HEATR5A: variants seen among roughly 807,000 people sequenced by gnomAD.
The protein encoded by HEATR5A is HEAT repeat-containing protein 5A.
Under a neutral mutation model 218.8 loss-of-function variants are expected in HEATR5A, and 178 were observed. That is an observed-to-expected ratio of 0.81 (90% CI 0.72 to 0.92). The LOEUF is 0.92. Among genes scored for constraint, HEATR5A ranks in the 40% least tolerant of loss-of-function variants. The pLI is 0.00. For missense variants in HEATR5A, 2,420 were observed against 2,418.9 expected, an observed-to-expected ratio of 1.00 and a Z score of -0.01; for synonymous variants, 864 against 871.6, an observed-to-expected ratio of 0.99 and a Z score of 0.15.
At chr14:31,419,583 A>C (rs1014275855) in intron 1 of HEATR5A, among the ~76,000 whole-genome samples, 1 of 152,226 alleles carries the variant, frequency 6.6e-6, no homozygotes, top group African/African-American at 2.4e-5. Context: ...TAGCCCCAAA[A>C]AAGTGCTGCA....
Position 31,292,862 on chromosome 14 carries a change from TG to T in HEATR5A, c.*442del, listed in dbSNP as rs1293189130. The T allele has an allele frequency of 6.5e-6, 1 of 154,014 alleles. No individual in the cohort carries two copies. Among genetic ancestry groups the T allele is most frequent in the Non-Finnish European group, 1.4e-5 (1 of 69,330 alleles). 9.5% of individuals were successfully genotyped at this position (154,014 alleles called of 1,614,324 possible). A position where few individuals can be genotyped will look rare whatever the true frequency, so the allele number is the denominator to read the frequency against. On this transcript the variant is annotated 3_prime_UTR_variant, in exon 36 of 36. Coordinates refer to ENST00000543095, the MANE Select transcript of HEATR5A (RefSeq NM_015473.4). Reference sequence around the variant, plus strand: ...TTCCAAAGTGCTGGAATTACAGGGATGAGCCACTGTGCCGGGCCAAAGCAGA... The same window carrying T: ...TTCCAAAGTGCTGGAATTACAGGGATAGCCACTGTGCCGGGCCAAAGCAGA...
intron 25 of HEATR5A, 44 bp from the exon 26 acceptor site, chr14:31,318,336 C>T (rs1295362859): frequency 3.4e-5 from 47 of 1,402,616 alleles, no homozygotes; most frequent in Non-Finnish European, 4.8e-5. Context: ...AGAAGTAAGA[C>T]AGCACAAGTT....
At chr14:31,324,113 T>C (rs749126745) in intron 23 of HEATR5A, among the ~76,000 whole-genome samples, 48 of 152,086 alleles carry the variant, frequency 3.2e-4, no homozygotes, top group Non-Finnish European at 6.9e-4. Context: ...CAATAGTAGA[T>C]ACTGAAATAA....
At position 31,403,607 on chromosome 14, in the gene HEATR5A, C is replaced by T. The variant is rs142086012; in HGVS notation, c.-74-558G>A. On this transcript the variant is annotated intron_variant, in intron 1 of 35. Coordinates refer to ENST00000543095, the MANE Select transcript of HEATR5A (RefSeq NM_015473.4). Reference sequence around the variant, plus strand: ...TTTCAGGCTGGGAGTTTAGGAGAGTCCAGTCTTAACTAGGCTTATCTCTGA... The same window carrying T: ...TTTCAGGCTGGGAGTTTAGGAGAGTTCAGTCTTAACTAGGCTTATCTCTGA... Among the ~76,000 whole-genome samples the T allele has an allele frequency of 1.1e-4, 16 of 152,274 alleles. No individual in the cohort carries two copies. The East Asian group carries it at 1.5e-3, about 15-fold the overall frequency.
At position 31,400,343 on chromosome 14, in the gene HEATR5A, A is replaced by G. The variant is rs1350553342; in HGVS notation, c.296T>C (p.Ile99Thr). 28 of 1,535,714 alleles carry G rather than the reference A, an allele frequency of 1.8e-5. No individual in the cohort carries two copies. The highest frequency in any genetic ancestry group is 2.4e-5 in the Non-Finnish European group (28 of 1,146,658). ...ACTTGGAGAATCATCTTTGCTACGAATAAGATCATTACATTTATCGATTGC... is the reference window on the plus strand; with the variant it reads ...ACTTGGAGAATCATCTTTGCTACGAGTAAGATCATTACATTTATCGATTGC... ...HEAIDKCNDL[I>T]RSKDDSPSYL... Residue 99 changes from isoleucine (I) to threonine (T), a missense_variant, in exon 3 of 36, where the codon ATT (isoleucine) becomes ACT (threonine). Physicochemically the swap from Ile to Thr is moderately conservative, Grantham distance 89 (BLOSUM62 -1). Transcript: ENST00000543095.
intron 9 of HEATR5A, among the ~76,000 whole-genome samples, chr14:31,384,353 A>T (rs765449065): frequency 1.1e-4 from 17 of 151,592 alleles, no homozygotes; most frequent in Non-Finnish European, 1.6e-4. Flanking sequence ...CTGAGGTGGG[A>T]GGATCGCTTG....
chr14:31,317,141 C>G lies in HEATR5A; in HGVS notation c.4038+1083G>C, dbSNP rs576401226. On this transcript the variant is annotated intron_variant, in intron 26 of 35. Transcript: ENST00000543095. Reference sequence around the variant, plus strand: ...AGAGATTCATACATTTAATGTAGTTCTCTGAATAGTAAAAGCACTCAACTA... The same window carrying G: ...AGAGATTCATACATTTAATGTAGTTGTCTGAATAGTAAAAGCACTCAACTA... 2.6e-5 allele frequency among the ~76,000 whole-genome samples: 4 copies of G among 152,176 alleles called. No individual in the cohort carries two copies. The South Asian group carries it at 8.3e-4, about 32-fold the overall frequency.
At chr14:31,359,143 C>T in intron 14 of HEATR5A, 86 bp from the exon 15 acceptor site, 2 of 1,269,934 alleles carry the variant, frequency 1.6e-6, no homozygotes, top group Non-Finnish European at 2.2e-6. Flanking sequence ...AGCTTTAATG[C>T]ACCCACTGGC....
At chr14:31,411,639 G>A (rs555872916) in intron 1 of HEATR5A, among the ~76,000 whole-genome samples, 1 of 152,240 alleles carries the variant, frequency 6.6e-6, no homozygotes, top group African/African-American at 2.4e-5. Flanking sequence ...ACATGGTAAT[G>A]TGCACTATGT....
At chr14:31,400,174 T>C in intron 3 of HEATR5A, 127 bp downstream of exon 3, 1 of 579,782 alleles carries the variant, frequency 1.7e-6, no homozygotes, top group Non-Finnish European at 2.9e-6. Context: ...TTAAGTTAGA[T>C]TTTGAAAATG....
intron 28 of HEATR5A, among the ~76,000 whole-genome samples, chr14:31,311,115 T>C (rs1450133467): frequency 6.6e-6 from 1 of 152,200 alleles, no homozygotes; most frequent in East Asian, 1.9e-4. Context: ...TACAGGCTCA[T>C]CCTAAAATTC....
intron 21 of HEATR5A, among the ~76,000 whole-genome samples, chr14:31,339,506 G>C (rs1207210238): frequency 6.8e-6 from 1 of 147,374 alleles, no homozygotes; most frequent in Non-Finnish European, 1.5e-5. Flanking sequence ...TGCAAAGAGA[G>C]CCAAATTCTA....
chr14:31,326,389 T>G (rs1325427657), intron 22 of HEATR5A, 47 bp from the exon 23 acceptor site: 2 of 1,370,172 alleles, frequency 1.5e-6, no homozygotes, highest in East Asian at 2.3e-5. Flanking sequence ...AAAACAAAAC[T>G]ACCATATCAG....
At position 31,358,818 on chromosome 14, in the gene HEATR5A, AGGG is replaced by A. The variant is rs1238927299; in HGVS notation, c.2236-9_2236-7del. 1 of 1,612,622 alleles carries A rather than the reference AGGG, an allele frequency of 6.2e-7. No homozygotes were observed. The highest frequency in any genetic ancestry group is 1.7e-5 in the Admixed American group (1 of 59,558). ...ACACCATTACCAAGCAGGAGCTAAA[AGGG>A]AAAAAAAGTATATAAGGTTTTAAAA... On this transcript the variant is annotated splice_region_variant and splice_polypyrimidine_tract_variant and intron_variant, in intron 15 of 35. Coordinates refer to ENST00000543095, the MANE Select transcript of HEATR5A (RefSeq NM_015473.4).
At chr14:31,341,996 C>A (rs1278191184) in intron 21 of HEATR5A, among the ~76,000 whole-genome samples, 1 of 152,056 alleles carries the variant, frequency 6.6e-6, no homozygotes, top group Admixed American at 6.6e-5. Flanking sequence ...AAATCCTTTT[C>A]CTGTAAGTGC....
chr14:31,411,707 A>G (rs753499934), intron 1 of HEATR5A, among the ~76,000 whole-genome samples: 2 of 152,206 alleles, frequency 1.3e-5, no homozygotes, highest in Non-Finnish European at 2.9e-5. Flanking sequence ...TTTTAACCAT[A>G]GGCTTCTCCT....
intron 18 of HEATR5A, among the ~76,000 whole-genome samples, chr14:31,348,449 G>T (rs778728615): frequency 6.6e-6 from 1 of 152,034 alleles, no homozygotes; most frequent in Non-Finnish European, 1.5e-5. Context: ...TGGGCGTAGT[G>T]TCACAAGCCT....
At chr14:31,346,828 G>A (rs1298402138) in intron 19 of HEATR5A, among the ~76,000 whole-genome samples, 9 of 152,110 alleles carry the variant, frequency 5.9e-5, no homozygotes, top group Non-Finnish European at 1.3e-4. Context: ...CATTAATAAG[G>A]GAGACAGATA....
chr14:31,416,288 T>G (rs1952158410), intron 1 of HEATR5A, among the ~76,000 whole-genome samples: 1 of 152,082 alleles, frequency 6.6e-6, no homozygotes, highest in Admixed American at 6.6e-5. Context: ...GGCTAATTTT[T>G]TTTTTGTATT....
Sources: gnomAD v4.1 joint callset for allele counts (sites outside exome capture counted in the v4.1 genomes callset) on GRCh38, gnomAD v4.1.1 for gene constraint, MANE v1.5 for transcripts, NCBI Gene and HGNC (gene_info 2026-07-23, HGNC 2026-07-21) for gene names.